IFT88: variants seen among roughly 807,000 people sequenced by gnomAD.
IFT88 encodes intraflagellar transport 88.
In IFT88, 74 loss-of-function variants were observed where a neutral mutation model predicts 119.5. The observed-to-expected ratio is 0.62, with a 90% confidence interval of 0.51 to 0.75. IFT88 has a LOEUF of 0.75. Ranked by LOEUF, IFT88 falls within the 30% of genes least tolerant of loss-of-function variation. IFT88 has a pLI of 0.00. For synonymous variants in IFT88, 279 were observed against 316.7 expected, an observed-to-expected ratio of 0.88 and a Z score of 1.26; for missense variants, 961 against 977.7, an observed-to-expected ratio of 0.98 and a Z score of 0.23.
intron 2 of IFT88, 41 bp downstream of exon 2, chr13:20,574,516 C>T (rs1283480212): frequency 2.7e-6 from 3 of 1,106,888 alleles, no homozygotes; most frequent in African/African-American, 3.1e-5. Context: ...TCTTGGTTAA[C>T]CAGCTGGTTT....
intron 14 of IFT88, among the ~76,000 whole-genome samples, chr13:20,616,329 C>T (rs1461448619): frequency 6.6e-6 from 1 of 152,188 alleles, no homozygotes; most frequent in Non-Finnish European, 1.5e-5. Flanking sequence ...TGTGACTCAT[C>T]CAAAGCAACT....
intron 16 of IFT88, among the ~76,000 whole-genome samples, chr13:20,632,531 G>T (rs74036415): frequency 6.4e-4 from 98 of 152,258 alleles, no homozygotes; most frequent in African/African-American, 2.3e-3. Flanking sequence ...GAATAATGGC[G>T]TGGGAATGGT....
Position 20,643,504 on chromosome 13 carries a change from G to T in IFT88, c.1732G>T (p.Val578Leu). 6.2e-7 allele frequency: 1 copy of T among 1,611,882 alleles called. No homozygotes were observed. The highest frequency in any genetic ancestry group is 8.5e-7 in the Non-Finnish European group (1 of 1,178,890). The change falls in exon 19 of 26, where the codon GTG (valine) becomes TTG (leucine). Residue 578 changes from valine (V) to leucine (L), a missense_variant. Coordinates refer to ENST00000351808, the MANE Select transcript of IFT88 (RefSeq NM_006531.5). ...TCAAGCTATTGAATGGCTAATGCAG[G>T]TGGTCAGTGTTATTCCAACCGATCC... is the stretch of plus-strand genomic sequence containing the variant. ...PSQAIEWLMQ[V>L]VSVIPTDPQV... is the part of the protein sequence containing the mutation.
chr13:20,654,633 A>G (rs1449224401), intron 21 of IFT88, among the ~76,000 whole-genome samples: 5 of 152,178 alleles, frequency 3.3e-5, no homozygotes, highest in African/African-American at 1.2e-4. Flanking sequence ...GTTCTCACCC[A>G]GTTTCGGGGG....
intron 11 of IFT88, among the ~76,000 whole-genome samples, chr13:20,601,385 A>G (rs572687862): frequency 1.5e-4 from 22 of 151,166 alleles, no homozygotes; most frequent in Non-Finnish European, 2.5e-4. Flanking sequence ...AAAAAAGACT[A>G]ATGGTTACCT....
chr13:20,652,744 AAAT>A (rs1295992111), intron 20 of IFT88, among the ~76,000 whole-genome samples: 3 of 152,230 alleles, frequency 2.0e-5, no homozygotes, highest in African/African-American at 4.8e-5. Context: ...TCAGAAACAT[AAAT>A]AATAATACCA....
At chr13:20,576,008 T>G (rs1417731783) in intron 2 of IFT88, among the ~76,000 whole-genome samples, 1 of 152,232 alleles carries the variant, frequency 6.6e-6, no homozygotes, top group Admixed American at 6.5e-5. Context: ...GGTTCCCTTT[T>G]CTCCACATTC....
chr13:20,661,053 G>A (rs915544946), intron 22 of IFT88, among the ~76,000 whole-genome samples: 1 of 152,058 alleles, frequency 6.6e-6, no homozygotes, highest in Non-Finnish European at 1.5e-5. Flanking sequence ...TATTTTTTAT[G>A]TGCTGGGGAT....
At chr13:20,646,549 C>T (rs902636365) in intron 20 of IFT88, among the ~76,000 whole-genome samples, 4 of 152,010 alleles carry the variant, frequency 2.6e-5, no homozygotes, top group Admixed American at 2.0e-4. Flanking sequence ...AACTCCTGAC[C>T]TCAAGTGATC....
chr13:20,594,420 A>G (rs185314189), intron 7 of IFT88, among the ~76,000 whole-genome samples: 1 of 152,282 alleles, frequency 6.6e-6, no homozygotes, highest in East Asian at 1.9e-4. Flanking sequence ...GCTGAACCAA[A>G]CACTTGGCAA....
In IFT88 at chr13:20,583,033, A is replaced by AT; in HGVS notation, c.153+22dup. The AT allele has an allele frequency of 1.1e-5, 17 of 1,580,062 alleles. No homozygotes were observed. Among genetic ancestry groups the AT allele is most frequent in the East Asian group, 2.2e-5 (1 of 44,672 alleles). Reference sequence around the variant, plus strand: ...AGAAGACCTCCAGTAAGTGAAAAAAATTTTTTTTAAATTGTGGTAAAAAAT... The same window carrying AT: ...AGAAGACCTCCAGTAAGTGAAAAAAATTTTTTTTTAAATTGTGGTAAAAAAT... On this transcript the variant is annotated intron_variant, in intron 3 of 25. Coordinates refer to ENST00000351808, the MANE Select transcript of IFT88 (RefSeq NM_006531.5).
chr13:20,670,340 TTAGGCAAAACAGAACCATA>T (rs1229587402), intron 23 of IFT88, among the ~76,000 whole-genome samples: 1 of 152,102 alleles, frequency 6.6e-6, no homozygotes, highest in African/African-American at 2.4e-5. Context: ...ATTCTAATAC[TTAGGCAAAACAGAACCATA>T]AAATGTAGAA....
At chr13:20,613,617 A>G (rs998244763) in intron 13 of IFT88, among the ~76,000 whole-genome samples, 6 of 152,168 alleles carry the variant, frequency 3.9e-5, no homozygotes, top group African/African-American at 1.4e-4. Flanking sequence ...CCACATGACA[A>G]CTTGTATACA....
chr13:20,690,606 G>A, intron 24 of IFT88, 99 bp from the exon 25 acceptor site: 3 of 758,610 alleles, frequency 4.0e-6, no homozygotes, highest in Non-Finnish European at 6.8e-6. Flanking sequence ...TAAACAACCT[G>A]CTTGTTTCTT....
chr13:20,669,282 G>A (rs1484304075), intron 23 of IFT88, among the ~76,000 whole-genome samples: 21 of 152,170 alleles, frequency 1.4e-4, no homozygotes, highest in Non-Finnish European at 5.9e-5. Context: ...AATAAAGAGT[G>A]TAGTGATTAT....
chr13:20,586,986 G>A (rs575528041), intron 3 of IFT88, among the ~76,000 whole-genome samples: 8 of 151,270 alleles, frequency 5.3e-5, no homozygotes, highest in African/African-American at 1.9e-4. Context: ...TTTCTTCTTT[G>A]ACCTGTGGGT....
chr13:20,639,768 T>C (rs1019336488), intron 17 of IFT88, among the ~76,000 whole-genome samples: 3 of 151,682 alleles, frequency 2.0e-5, no homozygotes, highest in Non-Finnish European at 2.9e-5. Context: ...GTTTTATTAT[T>C]GATATAGTAA....
At chr13:20,680,315 A>G (rs1013981433) in intron 24 of IFT88, among the ~76,000 whole-genome samples, 2 of 152,218 alleles carry the variant, frequency 1.3e-5, no homozygotes, top group African/African-American at 4.8e-5. Flanking sequence ...CAAGATATTC[A>G]TAATAGTTCC....
At chr13:20,621,497 C>T (rs1265290623) in intron 14 of IFT88, among the ~76,000 whole-genome samples, 8 of 138,848 alleles carry the variant, frequency 5.8e-5, no homozygotes, top group Non-Finnish European at 9.1e-5. Flanking sequence ...TTAAAACCAA[C>T]TTGTCAATTT....
Sources: gnomAD v4.1 joint callset for allele counts (sites outside exome capture counted in the v4.1 genomes callset) on GRCh38, gnomAD v4.1.1 for gene constraint, MANE v1.5 for transcripts, NCBI Gene and HGNC (gene_info 2026-07-23, HGNC 2026-07-21) for gene names.